SEPTIN9: variants seen among roughly 807,000 people sequenced by gnomAD.
The protein encoded by SEPTIN9 is septin-9.
SEPTIN9 carries 13 observed loss-of-function variants against 56.6 expected under a neutral mutation model. The ratio of observed to expected loss-of-function variants is 0.23; its 90% CI spans 0.15 to 0.37. SEPTIN9 has a LOEUF of 0.37. Ranked by LOEUF, SEPTIN9 falls within the 10% of genes least tolerant of loss-of-function variation. SEPTIN9 has a pLI of 1.00. For missense variants in SEPTIN9, 650 were observed against 823.1 expected (o/e 0.79, Z 2.57); for synonymous variants, 332 against 334.1 (o/e 0.99, Z 0.07).
At chr17:77,312,882 C>G (rs1216805690) in intron 2 of SEPTIN9, among the ~76,000 whole-genome samples, 1 of 152,192 alleles carries the variant, frequency 6.6e-6, no homozygotes, top group East Asian at 1.9e-4. Flanking sequence ...ATGCGAAACT[C>G]TTTGCCTTGG....
Position 77,429,208 on chromosome 17 carries a change from C to A in SEPTIN9, c.721+26505C>A. 2.1e-6 allele frequency: 1 copy of A among 471,750 alleles called. No individual in the cohort carries two copies. The highest frequency in any genetic ancestry group is 1.5e-5 in the South Asian group (1 of 64,602). 29.2% of individuals were successfully genotyped at this position (471,750 alleles called of 1,614,324 possible). A position where few individuals can be genotyped will look rare whatever the true frequency, so the allele number is the denominator to read the frequency against. On this transcript the variant is annotated intron_variant, in intron 3 of 11. Coordinates refer to ENST00000427177, the MANE Select transcript of SEPTIN9 (RefSeq NM_001113491.2). The surrounding 1 kb of genome is among the most constrained non-coding windows in gnomAD (Gnocchi z 5.2). The stretch of plus-strand genomic sequence containing the variant: ...GAGGCCGAGGCTGAGGCTGAGGCCA[C>A]CTTGGTGAGGAGGAAATTGCAGGTG...
intron 4 of SEPTIN9, among the ~76,000 whole-genome samples, chr17:77,486,852 C>T (rs2039814560): frequency 6.6e-6 from 1 of 152,220 alleles, no homozygotes; most frequent in Admixed American, 6.5e-5. Context: ...CATGCGTGAG[C>T]CTGCCTGATG....
At chr17:77,309,205 G>A (rs2032385706) in intron 2 of SEPTIN9, among the ~76,000 whole-genome samples, 2 of 152,262 alleles carry the variant, frequency 1.3e-5, no homozygotes, top group African/African-American at 2.4e-5. Flanking sequence ...GCCTCCCCCG[G>A]CGGTTGCTTC....
intron 3 of SEPTIN9, chr17:77,469,444 C>G (rs1457348299): frequency 6.6e-6 from 1 of 152,240 alleles, no homozygotes; most frequent in African/African-American, 2.4e-5. Flanking sequence ...GTGGCTCCAT[C>G]TGGTCAGAAC....
chr17:77,383,292 A>G (rs769142635), intron 2 of SEPTIN9, among the ~76,000 whole-genome samples: 1 of 150,738 alleles, frequency 6.6e-6, no homozygotes, highest in Non-Finnish European at 1.5e-5. Flanking sequence ...TCTCCTTGTT[A>G]TTTTTCATAA....
chr17:77,341,732 ACCACTGCACT>A (rs1438712364), intron 2 of SEPTIN9, among the ~76,000 whole-genome samples: 2 of 126,446 alleles, frequency 1.6e-5, no homozygotes, highest in African/African-American at 3.0e-5. Flanking sequence ...CCGAGATCAC[ACCACTGCACT>A]CCACTGCACT....
intron 2 of SEPTIN9, among the ~76,000 whole-genome samples, chr17:77,333,769 T>C (rs2033446211): frequency 6.6e-6 from 1 of 152,192 alleles, no homozygotes; most frequent in Non-Finnish European, 1.5e-5. Context: ...TTCATTTTGT[T>C]GTCGTTTTAT....
chr17:77,488,205 C>G, intron 5 of SEPTIN9, 35 bp from the exon 6 acceptor site: 1 of 1,603,752 alleles, frequency 6.2e-7, no homozygotes, highest in Non-Finnish European at 8.5e-7. Flanking sequence ...GGTCTTCCGT[C>G]TCCCCTCTGA....
intron 2 of SEPTIN9, among the ~76,000 whole-genome samples, chr17:77,328,610 C>T (rs1157886454): frequency 6.6e-6 from 1 of 152,188 alleles, no homozygotes; most frequent in Admixed American, 6.5e-5. Context: ...AAGTGATCCA[C>T]CCAGCTTGGC....
intron 8 of SEPTIN9, among the ~76,000 whole-genome samples, chr17:77,491,222 CCTT>C (rs2143394154): frequency 9.7e-6 from 1 of 103,244 alleles, no homozygotes; most frequent in South Asian, 2.7e-4. Context: ...TTATGCCCCC[CCTT>C]TTTTTTTTTG....
Position 77,451,603 on chromosome 17 carries a change from C to G in SEPTIN9, c.722-30541C>G. On this transcript the variant is annotated intron_variant, in intron 3 of 11. Transcript: ENST00000427177. The surrounding 1 kb of genome is among the most constrained non-coding windows in gnomAD (Gnocchi z 4.2). ...GCTCTCAGGTGGCGCGGCCGCGAGGCGGACCCTGATGGCCATGGTGGCGGT... is the reference window on the plus strand; with the variant it reads ...GCTCTCAGGTGGCGCGGCCGCGAGGGGGACCCTGATGGCCATGGTGGCGGT... The G allele has an allele frequency of 1.0e-6, 1 of 963,122 alleles. No individual in the cohort carries two copies. The highest frequency in any genetic ancestry group is 1.2e-6 in the Non-Finnish European group (1 of 809,656). The allele number at this position is 963,122 out of a possible 1,614,324, so 59.7% of individuals were successfully genotyped here. A position where few individuals can be genotyped will look rare whatever the true frequency, so the allele number is the denominator to read the frequency against.
rs2033151004 is a variant in SEPTIN9, at chr17:77,326,620, C to T, written c.76+19423C>T. ...ACTGACTGTCATGTTGTGAAATATA[C>T]ACTTGGTTTTCATCTCCATTTCCTG... On this transcript the variant is annotated intron_variant, in intron 2 of 11. Coordinates refer to ENST00000427177, the MANE Select transcript of SEPTIN9 (RefSeq NM_001113491.2). The surrounding 1 kb of genome is among the most constrained non-coding windows in gnomAD (Gnocchi z 5.1). Among the ~76,000 whole-genome samples, 1 of 152,196 alleles carries T rather than the reference C, an allele frequency of 6.6e-6. No individual in the cohort carries two copies. Among genetic ancestry groups the T allele is most frequent in the African/African-American group, 2.4e-5 (1 of 41,436 alleles).
rs998884247 is a variant in SEPTIN9, at chr17:77,445,789, A to AC, written c.722-36352dup. 7 of 223,630 alleles carry AC rather than the reference A, an allele frequency of 3.1e-5. No homozygotes were observed. The South Asian group carries it at 4.4e-4, about 14-fold the overall frequency. The allele number at this position is 223,630 out of a possible 1,614,324, so 13.9% of individuals were successfully genotyped here. On this transcript the variant is annotated intron_variant, in intron 3 of 11. Transcript: ENST00000427177. This position sits in a 1 kb window ranked among gnomAD's most constrained non-coding sequence, Gnocchi z 4.7. ...GGCCAATGGTGCTCCCTCCCCTGTGACCCTTCTGTTGGGTGGGTCACGAGG... is the reference window on the plus strand; with the variant it reads ...GGCCAATGGTGCTCCCTCCCCTGTGACCCCTTCTGTTGGGTGGGTCACGAGG...
At chr17:77,355,093 C>A (rs1438529650) in intron 2 of SEPTIN9, among the ~76,000 whole-genome samples, 3 of 152,210 alleles carry the variant, frequency 2.0e-5, no homozygotes, top group Non-Finnish European at 4.4e-5. Context: ...ATCTGTGCAG[C>A]TTAGCTCGTT....
At chr17:77,320,346 C>T (rs1315640988) in intron 2 of SEPTIN9, 3 of 1,612,978 alleles carry the variant, frequency 1.9e-6, no homozygotes, top group Non-Finnish European at 2.5e-6. Context: ...GACCGGATCT[C>T]AGGTACGCAG....
At chr17:77,488,627 A>G in intron 6 of SEPTIN9, 100 bp from the exon 7 acceptor site, 1 of 1,519,414 alleles carries the variant, frequency 6.6e-7, no homozygotes, top group Non-Finnish European at 9.0e-7. Flanking sequence ...CATGCATTTC[A>G]TTGGAAGGTG....
chr17:77,460,626 G>T (rs1221407531), intron 3 of SEPTIN9, among the ~76,000 whole-genome samples: 1 of 152,150 alleles, frequency 6.6e-6, no homozygotes, highest in Non-Finnish European at 1.5e-5. Flanking sequence ...CCAGGAAACC[G>T]CGGGGGCCAC....
Position 77,436,282 on chromosome 17 carries a change from C to T in SEPTIN9, c.721+33579C>T, listed in dbSNP as rs978482626. On this transcript the variant is annotated intron_variant, in intron 3 of 11. Transcript: ENST00000427177. This position sits in a 1 kb window ranked among gnomAD's most constrained non-coding sequence, Gnocchi z 4.4. The stretch of plus-strand genomic sequence containing the variant: ...GAGGAAGGGGTGGGCGGGGACACAG[C>T]GCTGTTCGGCACAGTCCCCTCTGAG... Among the ~76,000 whole-genome samples the T allele has an allele frequency of 1.3e-5, 2 of 152,184 alleles. No homozygotes were observed. Among genetic ancestry groups the T allele is most frequent in the African/African-American group, 4.8e-5 (2 of 41,438 alleles).
rs970248890 is a variant in SEPTIN9, at chr17:77,476,143, G to A, written c.722-6001G>A. On this transcript the variant is annotated intron_variant, in intron 3 of 11. Coordinates refer to ENST00000427177, the MANE Select transcript of SEPTIN9 (RefSeq NM_001113491.2). This position sits in a 1 kb window ranked among gnomAD's most constrained non-coding sequence, Gnocchi z 6.0. ...GATGGGACTTGTGTGGACATTTCTGGGACGTAGACCAGGCAGCATGACACA... is the reference window on the plus strand; with the variant it reads ...GATGGGACTTGTGTGGACATTTCTGAGACGTAGACCAGGCAGCATGACACA... Among the ~76,000 whole-genome samples, 6 of 152,154 alleles carry A rather than the reference G, an allele frequency of 3.9e-5. No homozygotes were observed. The highest frequency in any genetic ancestry group is 7.4e-5 in the Non-Finnish European group (5 of 68,018).
Sources: gnomAD v4.1 joint callset for allele counts (sites outside exome capture counted in the v4.1 genomes callset) on GRCh38, gnomAD v4.1.1 for gene constraint, Gnocchi (gnomAD v3.1) non-coding constraint, MANE v1.5 for transcripts, NCBI Gene and HGNC (gene_info 2026-07-23, HGNC 2026-07-21) for gene names.